Variants in EEA1 observed in about 807,000 individuals in gnomAD.
The protein encoded by EEA1 is early endosome antigen 1, also known as early endosome antigen 1, 162kD.
EEA1 carries 111 observed loss-of-function variants against 209.2 expected under a neutral mutation model. That is an observed-to-expected ratio of 0.53 (90% CI 0.45 to 0.62). The LOEUF is 0.62. EEA1 is among the 20% of genes least tolerant of loss of function. The probability of loss-of-function intolerance (pLI) is 0.00; values close to 1 mark genes in which losing one functional copy is unlikely to be tolerated. For synonymous variants in EEA1, 536 were observed against 540.6 expected, an observed-to-expected ratio of 0.99 and a Z score of 0.12; for missense variants, 1,343 against 1,530.8, an observed-to-expected ratio of 0.88 and a Z score of 2.05.
At chr12:92,914,156 T>C (rs1158973778) in intron 1 of EEA1, among the ~76,000 whole-genome samples, 1 of 152,086 alleles carries the variant, frequency 6.6e-6, no homozygotes, top group Non-Finnish European at 1.5e-5. Context: ...AGGTCTCCCC[T>C]TACCACTCAC....
Position 92,857,393 on chromosome 12 carries a change from C to T in EEA1, c.300+38G>A, listed in dbSNP as rs371384942. Reference sequence around the variant, plus strand: ...ATTTAAAAAGAGGTATTATCTGAAACACTGAAAATAAAAAGGTATAACAAT... The same window carrying T: ...ATTTAAAAAGAGGTATTATCTGAAATACTGAAAATAAAAAGGTATAACAAT... On this transcript the variant is annotated intron_variant, in intron 4 of 28. Coordinates refer to ENST00000322349, the MANE Select transcript of EEA1 (RefSeq NM_003566.4). The T allele has an allele frequency of 5.2e-5, 81 of 1,570,204 alleles. No homozygotes were observed. The Admixed American group carries it at 6.3e-4, about 12-fold the overall frequency.
intron 2 of EEA1, chr12:92,884,063 GA>G (rs1879278444): frequency 5.2e-6 from 7 of 1,343,008 alleles, no homozygotes; most frequent in Admixed American, 1.7e-5. Flanking sequence ...GATTCTCAAA[GA>G]CCAGGTGCCC....
Position 92,779,228 on chromosome 12 carries a change from AGT to A in EEA1, c.3539_3540del (p.Asp1180ValfsTer7). 6.2e-7 allele frequency: 1 copy of A among 1,609,736 alleles called. No homozygotes were observed. Among genetic ancestry groups the A allele is most frequent in the Non-Finnish European group, 8.5e-7 (1 of 1,178,638 alleles). On this transcript the variant is annotated frameshift_variant, in exon 25 of 29. Coordinates refer to ENST00000322349, the MANE Select transcript of EEA1 (RefSeq NM_003566.4). LOFTEE classifies it high-confidence loss of function. ...TCCTGTTCAACAGCTGCCTTCAGGG[AGT>A]CCGCTTTTCCTTGAAGTTCTAATTT... ...QQKLELQGKA[D>X]SLKAAVEQEK...
At position 92,816,947 on chromosome 12, in the gene EEA1, T is replaced by A. The variant is rs1369222059; in HGVS notation, c.1729-547A>T. Among the ~76,000 whole-genome samples the A allele has an allele frequency of 4.6e-5, 7 of 151,468 alleles. No individual in the cohort carries two copies. In the South Asian group the frequency reaches 1.2e-3, roughly 27 times the overall value. On this transcript the variant is annotated intron_variant, in intron 14 of 28. Coordinates refer to ENST00000322349, the MANE Select transcript of EEA1 (RefSeq NM_003566.4). ...ATCTTTTGAAAAGCATACTTTTTTT[T>A]AATTTAGATGAAATCCAAGTCATTT...
intron 1 of EEA1, among the ~76,000 whole-genome samples, chr12:92,911,500 T>C (rs916830627): frequency 3.3e-5 from 5 of 152,186 alleles, no homozygotes; most frequent in Admixed American, 6.5e-5. Flanking sequence ...GAAGGATGAA[T>C]AGGCAAAACA....
At chr12:92,863,745 G>A (rs1318388018) in intron 3 of EEA1, among the ~76,000 whole-genome samples, 1 of 152,208 alleles carries the variant, frequency 6.6e-6, no homozygotes, top group Non-Finnish European at 1.5e-5. Flanking sequence ...CCAGGTTACT[G>A]TTGGTCTTCA....
intron 2 of EEA1, among the ~76,000 whole-genome samples, chr12:92,887,561 T>C (rs1031062428): frequency 6.6e-6 from 1 of 151,710 alleles, no homozygotes; most frequent in Admixed American, 6.6e-5. Flanking sequence ...AGACGTCAGA[T>C]TGGGAGAATT....
chr12:92,866,843 C>T (rs886268655), intron 2 of EEA1, among the ~76,000 whole-genome samples: 3 of 152,156 alleles, frequency 2.0e-5, no homozygotes, highest in African/African-American at 7.2e-5. Context: ...AACTAGAAAC[C>T]TAAAAATTTG....
intron 18 of EEA1, among the ~76,000 whole-genome samples, chr12:92,802,990 A>G (rs1039779182): frequency 6.6e-6 from 1 of 152,052 alleles, no homozygotes; most frequent in African/African-American, 2.4e-5. Context: ...AAGCTTCCTG[A>G]CTTAATCCAT....
chr12:92,866,536 T>TAA (rs138437103), intron 2 of EEA1, among the ~76,000 whole-genome samples: 13 of 145,252 alleles, frequency 8.9e-5, no homozygotes, highest in East Asian at 4.0e-4. Context: ...CTTGATTCTA[T>TAA]AAAAAAAAAA....
chr12:92,891,487 A>G (rs1483685364), intron 2 of EEA1, 142 bp downstream of exon 2: 2 of 619,154 alleles, frequency 3.2e-6, no homozygotes, highest in African/African-American at 3.7e-5. Flanking sequence ...TATAGCTACA[A>G]GTATGTTTCA....
chr12:92,785,809 T>C (rs1487805987), intron 22 of EEA1, among the ~76,000 whole-genome samples: 2 of 152,198 alleles, frequency 1.3e-5, no homozygotes, highest in African/African-American at 4.8e-5. Context: ...CCAAGGTCCC[T>C]TAACAGTTGT....
At chr12:92,788,191 TA>T in intron 21 of EEA1, 142 bp from the exon 22 acceptor site, 1 of 485,236 alleles carries the variant, frequency 2.1e-6, no homozygotes, top group South Asian at 9.0e-5. Flanking sequence ...CTCAATAGGG[TA>T]AATTACTTAT....
At chr12:92,808,112 A>G (rs1199838164) in intron 18 of EEA1, among the ~76,000 whole-genome samples, 2 of 152,258 alleles carry the variant, frequency 1.3e-5, no homozygotes, top group Non-Finnish European at 2.9e-5. Context: ...ATGACTTTCA[A>G]TATCATAATT....
In EEA1 at chr12:92,780,270, C is replaced by T; in HGVS notation, c.3468+10G>A. On this transcript the variant is annotated intron_variant, in intron 24 of 28. Coordinates refer to ENST00000322349, the MANE Select transcript of EEA1 (RefSeq NM_003566.4). ...CACAGAAGGCAGGAGAAATGATTATCTTAACATACCTTTATGCTTTCTAGT... is the reference window on the plus strand; with the variant it reads ...CACAGAAGGCAGGAGAAATGATTATTTTAACATACCTTTATGCTTTCTAGT... 2 of 1,586,196 alleles carry T rather than the reference C, an allele frequency of 1.3e-6. No individual in the cohort carries two copies. The highest frequency in any genetic ancestry group is 1.7e-6 in the Non-Finnish European group (2 of 1,171,898).
intron 21 of EEA1, among the ~76,000 whole-genome samples, chr12:92,797,704 G>A (rs554750024): frequency 5.6e-4 from 85 of 152,238 alleles, no homozygotes; most frequent in Non-Finnish European, 1.1e-3. Flanking sequence ...ATACAACAAA[G>A]TATGCACTGT....
intron 10 of EEA1, among the ~76,000 whole-genome samples, chr12:92,836,741 C>T (rs1414731200): frequency 1.3e-5 from 2 of 152,058 alleles, no homozygotes; most frequent in Admixed American, 1.3e-4. Context: ...ATACAAAAGC[C>T]TTTTACTGCC....
chr12:92,775,754 T>C lies in EEA1; in HGVS notation c.*257A>G, dbSNP rs1428096646. On this transcript the variant is annotated 3_prime_UTR_variant, in exon 29 of 29. Transcript: ENST00000322349. ...CTGTCCAAAGTTTATTTACATTTCA[T>C]TGGCTAATTCTAAACTTGGCATGAA... is the stretch of plus-strand genomic sequence containing the variant. The C allele has an allele frequency of 6.2e-6, 2 of 320,680 alleles. No homozygotes were observed. The highest frequency in any genetic ancestry group is 2.1e-5 in the African/African-American group (1 of 46,856). The allele number at this position is 320,680 out of a possible 1,614,324, so 19.9% of individuals were successfully genotyped here.
At chr12:92,889,757 C>CA (rs1042941608) in intron 2 of EEA1, among the ~76,000 whole-genome samples, 9 of 151,686 alleles carry the variant, frequency 5.9e-5, no homozygotes, top group Non-Finnish European at 1.0e-4. Flanking sequence ...CAAAACAAAA[C>CA]AAAAAAATTA....
Sources: allele counts gnomAD v4.1 joint callset (sites outside exome capture counted in the v4.1 genomes callset), GRCh38; gene constraint gnomAD v4.1.1; transcripts MANE v1.5; gene names NCBI Gene and HGNC (gene_info 2026-07-23, HGNC 2026-07-21).